The following NPFFR2 variants were observed in gnomAD, a reference collection of about 807,000 sequenced individuals.
NPFFR2 encodes neuropeptide FF receptor 2, also known as G-protein coupled receptor 74.
NPFFR2 carries 15 observed loss-of-function variants against 13.1 expected under a neutral mutation model. That is an observed-to-expected ratio of 1.15 (90% CI 0.77 to 1.76). NPFFR2 has a LOEUF of 1.76. Ranked by LOEUF, NPFFR2 falls within the 40% of genes most tolerant of loss-of-function variation. The pLI, the probability that NPFFR2 is intolerant of heterozygous loss-of-function variation, is 0.00. For synonymous variants in NPFFR2, 190 were observed against 175.7 expected (o/e 1.08, Z -0.65); for missense variants, 572 against 503.5 (o/e 1.14, Z -1.30).
intron 1 of NPFFR2, among the ~76,000 whole-genome samples, chr4:72,053,582 T>C (rs1186269690): frequency 6.6e-6 from 1 of 151,984 alleles, no homozygotes; most frequent in Non-Finnish European, 1.5e-5. Context: ...AAAAAATTTC[T>C]TCCAGGTTAT....
chr4:72,090,512 A>T (rs949762917), intron 1 of NPFFR2, among the ~76,000 whole-genome samples: 1 of 151,926 alleles, frequency 6.6e-6, no homozygotes, highest in Non-Finnish European at 1.5e-5. Flanking sequence ...GCAGTGTTTT[A>T]TAGTTTTCCT....
chr4:72,144,366 T>G (rs529074884), intron 3 of NPFFR2, among the ~76,000 whole-genome samples: 1 of 152,300 alleles, frequency 6.6e-6, no homozygotes, highest in African/African-American at 2.4e-5. Context: ...TGTTGCATTC[T>G]ATTCATGAGA....
At chr4:72,142,339 G>T (rs1177754138) in intron 3 of NPFFR2, among the ~76,000 whole-genome samples, 1 of 152,064 alleles carries the variant, frequency 6.6e-6, no homozygotes, top group African/African-American at 2.4e-5. Context: ...GTCTGTCATG[G>T]CTTCCCTTGG....
intron 1 of NPFFR2, among the ~76,000 whole-genome samples, chr4:72,094,655 G>A (rs1035175181): frequency 6.6e-6 from 1 of 152,160 alleles, no homozygotes; most frequent in East Asian, 1.9e-4. Context: ...CCTGCAGCCT[G>A]AAAGGCTGAT....
chr4:72,087,934 TC>T (rs1321535270), intron 1 of NPFFR2, among the ~76,000 whole-genome samples: 1 of 151,682 alleles, frequency 6.6e-6, no homozygotes, highest in African/African-American at 2.4e-5. Context: ...TCTGGCATCA[TC>T]CCCCCAAAAA....
chr4:72,122,170 A>G (rs2109828579), intron 1 of NPFFR2, among the ~76,000 whole-genome samples: 1 of 152,316 alleles, frequency 6.6e-6, no homozygotes, highest in East Asian at 1.9e-4. Flanking sequence ...GCATTACATA[A>G]TGGTAAAGGG....
At chr4:72,139,642 G>A (rs910504100) in intron 3 of NPFFR2, among the ~76,000 whole-genome samples, 13 of 152,044 alleles carry the variant, frequency 8.6e-5, no homozygotes, top group African/African-American at 3.1e-4. Context: ...CCACTACCAT[G>A]CTGTTTTGGT....
intron 1 of NPFFR2, among the ~76,000 whole-genome samples, chr4:72,118,536 T>C (rs1721776437): frequency 6.6e-6 from 1 of 152,132 alleles, no homozygotes; most frequent in African/African-American, 2.4e-5. Context: ...GGGATTTGAG[T>C]GCAGGCAATT....
intron 1 of NPFFR2, among the ~76,000 whole-genome samples, chr4:72,095,201 ACT>A: frequency 6.6e-6 from 1 of 152,204 alleles, no homozygotes; most frequent in Non-Finnish European, 1.5e-5. Flanking sequence ...AGAAATAAAC[ACT>A]GTTAACACTT....
At chr4:72,092,819 A>G (rs1229714323) in intron 1 of NPFFR2, among the ~76,000 whole-genome samples, 1 of 152,126 alleles carries the variant, frequency 6.6e-6, no homozygotes, top group African/African-American at 2.4e-5. Context: ...CAAGTGGAAT[A>G]TTTAGGCCAT....
rs1449407870 is a variant in NPFFR2 at position 72,040,723 on chromosome 4, A to G, written c.-8+8523A>G. Among the ~76,000 whole-genome samples, 4 of 152,096 alleles carry G rather than the reference A, an allele frequency of 2.6e-5. No homozygotes were observed. In the East Asian group the frequency reaches 7.7e-4, roughly 29 times the overall value. ...TTTGTCTATACATATTTTAAATGAT[A>G]TTATATTAAATTGATATGTTAATTT... On this transcript the variant is annotated intron_variant, in intron 1 of 3. Transcript: ENST00000308744.
chr4:72,102,767 A>G (rs1360938259), intron 1 of NPFFR2, among the ~76,000 whole-genome samples: 1 of 151,858 alleles, frequency 6.6e-6, no homozygotes, highest in Non-Finnish European at 1.5e-5. Context: ...AATCCAGTCT[A>G]TCATTGTTGG....
At position 72,128,906 on chromosome 4, in the gene NPFFR2, C is replaced by T. The variant is rs376456096; in HGVS notation, c.315C>T (p.Asp105=). The change falls in exon 2 of 4, where the codon GAC becomes GAT. Residue 105 remains aspartate, a synonymous_variant. Transcript: ENST00000308744. ...GIFCMPITLL[D]NIIAGWPFGN... is the part of the protein sequence containing the mutation. ...TCTGCATGCCTATAACACTGCTGGA[C>T]AATATTATAGCAGGTATGTTGGCTT... 3 of 1,608,884 alleles carry T rather than the reference C, an allele frequency of 1.9e-6. No individual in the cohort carries two copies. The highest frequency in any genetic ancestry group is 2.6e-6 in the Non-Finnish European group (3 of 1,175,838).
intron 1 of NPFFR2, among the ~76,000 whole-genome samples, chr4:72,120,567 G>A (rs1378128824): frequency 6.6e-6 from 1 of 152,204 alleles, no homozygotes; most frequent in Non-Finnish European, 1.5e-5. Context: ...GGAACAGGCA[G>A]TAATCTTTGC....
At chr4:72,068,452 G>C (rs1226820405) in intron 1 of NPFFR2, among the ~76,000 whole-genome samples, 1 of 152,282 alleles carries the variant, frequency 6.6e-6, no homozygotes, top group South Asian at 2.1e-4. Flanking sequence ...ACTTCTTAAA[G>C]GCCCTACAAT....
chr4:72,089,190 A>G (rs1176791908), intron 1 of NPFFR2, among the ~76,000 whole-genome samples: 2 of 152,070 alleles, frequency 1.3e-5, no homozygotes, highest in East Asian at 1.9e-4. Flanking sequence ...GTAGTATTCT[A>G]TGGTATATAT....
intron 2 of NPFFR2, among the ~76,000 whole-genome samples, chr4:72,129,355 C>T (rs369190873): frequency 7.6e-6 from 1 of 131,646 alleles, no homozygotes; most frequent in Admixed American, 8.0e-5. Context: ...CAGCGTTCAG[C>T]ATATGGAGGA....
At chr4:72,063,752 G>C (rs11946395) in intron 1 of NPFFR2, among the ~76,000 whole-genome samples, 135,726 of 152,216 alleles carry the variant, frequency 0.89, 61,611 homozygotes, top group Non-Finnish European at 0.98. Context: ...CAAAAGAGGG[G>C]CTTCAAGATA....
intron 1 of NPFFR2, among the ~76,000 whole-genome samples, chr4:72,091,400 A>C (rs1720915167): frequency 6.6e-6 from 1 of 152,062 alleles, no homozygotes; most frequent in Non-Finnish European, 1.5e-5. Context: ...TGTCAATAGG[A>C]TTGGTACTAA....
Sources: gnomAD v4.1 joint callset for allele counts (sites outside exome capture counted in the v4.1 genomes callset) on GRCh38, gnomAD v4.1.1 for gene constraint, MANE v1.5 for transcripts, NCBI Gene and HGNC (gene_info 2026-07-23, HGNC 2026-07-21) for gene names.